The following FAM222A variants were observed in gnomAD, a reference collection of about 807,000 sequenced individuals.
FAM222A encodes the protein protein FAM222A.
FAM222A carries 7 observed loss-of-function variants against 25.8 expected under a neutral mutation model. The ratio of observed to expected loss-of-function variants is 0.27; its 90% CI spans 0.15 to 0.51. The LOEUF (loss-of-function observed/expected upper bound fraction) is 0.51, where lower values mean the gene tolerates loss of function less well. Among genes scored for constraint, FAM222A ranks in the 20% least tolerant of loss-of-function variants. The pLI is 0.97. For missense variants in FAM222A, 573 were observed against 640.5 expected (o/e 0.89, Z 1.14); for synonymous variants, 294 against 298.8 (o/e 0.98, Z 0.17).
chr12:109,731,541 G>A (rs989524502), intron 1 of FAM222A, among the ~76,000 whole-genome samples: 1 of 152,192 alleles, frequency 6.6e-6, no homozygotes, highest in African/African-American at 2.4e-5. Flanking sequence ...GCTGAGGCAT[G>A]GCACCCGGCA....
At position 109,768,973 on chromosome 12, in the gene FAM222A, G is replaced by A. The variant is rs61748987; in HGVS notation, c.1044G>A (p.Pro348=). Residue 348 remains proline (P), a synonymous_variant, in exon 3 of 3, where the codon CCG becomes CCA. Transcript: ENST00000538780. The part of the protein sequence containing the change: ...SFTVGQYFAA[P]WNSVLVTPTS... ...CCGTAGGCCAGTACTTTGCGGCCCC[G>A]TGGAACAGTGTGCTGGTGACACCCA... 2.5e-5 allele frequency: 39 copies of A among 1,570,878 alleles called. No individual in the cohort carries two copies. Among genetic ancestry groups the A allele is most frequent in the Middle Eastern group, 1.7e-4 (1 of 6,026 alleles).
chr12:109,723,342 C>G (rs1887783545), intron 1 of FAM222A, among the ~76,000 whole-genome samples: 1 of 152,186 alleles, frequency 6.6e-6, no homozygotes, highest in African/African-American at 2.4e-5. Context: ...GAGGAAGGAG[C>G]CAGTTTTGGC....
chr12:109,752,859 T>C (rs1888599863), intron 2 of FAM222A, among the ~76,000 whole-genome samples: 1 of 152,130 alleles, frequency 6.6e-6, no homozygotes, highest in Non-Finnish European at 1.5e-5. Flanking sequence ...TTCACTTCTC[T>C]GGGATCCAAG....
At chr12:109,728,868 G>A (rs1887888583) in intron 1 of FAM222A, among the ~76,000 whole-genome samples, 1 of 152,186 alleles carries the variant, frequency 6.6e-6, no homozygotes, top group South Asian at 2.1e-4. Context: ...CCACAGAGCA[G>A]GGAGCTCCCG....
intron 2 of FAM222A, among the ~76,000 whole-genome samples, chr12:109,762,602 C>G (rs1160593617): frequency 1.3e-5 from 2 of 152,176 alleles, no homozygotes; most frequent in Non-Finnish European, 2.9e-5. Context: ...TTACATTTAC[C>G]AAAACGGGAC....
intron 2 of FAM222A, among the ~76,000 whole-genome samples, chr12:109,752,071 T>C (rs893154535): frequency 3.3e-5 from 5 of 152,240 alleles, no homozygotes; most frequent in Admixed American, 3.3e-4. Context: ...GGCTGGACTG[T>C]CTCAAAGGGT....
chr12:109,753,898 G>A (rs952693651), intron 2 of FAM222A, among the ~76,000 whole-genome samples: 2 of 152,142 alleles, frequency 1.3e-5, no homozygotes, highest in African/African-American at 4.8e-5. Flanking sequence ...ATTCAGTTAC[G>A]TAGCTATTGC....
At chr12:109,730,811 G>A (rs1339853901) in intron 1 of FAM222A, among the ~76,000 whole-genome samples, 1 of 152,104 alleles carries the variant, frequency 6.6e-6, no homozygotes, top group African/African-American at 2.4e-5. Flanking sequence ...ATAAACTGCT[G>A]GAAGGAATTG....
chr12:109,766,073 G>A (rs1017292414), intron 2 of FAM222A, among the ~76,000 whole-genome samples: 1 of 152,198 alleles, frequency 6.6e-6, no homozygotes, highest in Non-Finnish European at 1.5e-5. Context: ...CACCTATCAT[G>A]TACCTCACCC....
intron 2 of FAM222A, among the ~76,000 whole-genome samples, chr12:109,765,193 C>T (rs199992030): frequency 6.6e-6 from 1 of 152,266 alleles, no homozygotes; most frequent in East Asian, 1.9e-4. Context: ...GCCTCTCCCC[C>T]TTTGGCCCTG....
chr12:109,737,022 A>T (rs1280709281), intron 1 of FAM222A, among the ~76,000 whole-genome samples: 1 of 152,162 alleles, frequency 6.6e-6, no homozygotes, highest in Non-Finnish European at 1.5e-5. Context: ...TAGAGGAAGG[A>T]TCAAGGAGAG....
chr12:109,757,752 G>A lies in FAM222A; in HGVS notation c.83-10260G>A, dbSNP rs1444350679. Among the ~76,000 whole-genome samples the A allele has an allele frequency of 2.8e-5, 4 of 145,326 alleles. No individual in the cohort carries two copies. The East Asian group carries it at 6.7e-4, about 24-fold the overall frequency. On this transcript the variant is annotated intron_variant, in intron 2 of 2. Transcript: ENST00000538780. ...AGACAATGATGGGAACAGGCAGGGA[G>A]CCAGGGGTGGGGAGGGGGCGGGACG...
intron 1 of FAM222A, among the ~76,000 whole-genome samples, chr12:109,740,515 G>A (rs927457877): frequency 6.6e-6 from 1 of 152,206 alleles, no homozygotes; most frequent in African/African-American, 2.4e-5. Flanking sequence ...ACTCTGAGAG[G>A]CTGGCCTCCT....
At chr12:109,718,706 C>T (rs1448023305) in intron 1 of FAM222A, among the ~76,000 whole-genome samples, 2 of 152,182 alleles carry the variant, frequency 1.3e-5, no homozygotes, top group African/African-American at 2.4e-5. Context: ...CCTCCGCGGG[C>T]GCCGCCCGCC....
intron 2 of FAM222A, among the ~76,000 whole-genome samples, chr12:109,747,881 G>A (rs1340191089): frequency 6.6e-6 from 1 of 152,092 alleles, no homozygotes; most frequent in Admixed American, 6.6e-5. Flanking sequence ...CCCCTATTTT[G>A]TTTTATACCT....
At chr12:109,743,978 T>G (rs1888316352) in intron 1 of FAM222A, 123 bp from the exon 2 acceptor site, 45 of 1,415,222 alleles carry the variant, frequency 3.2e-5, no homozygotes, top group Non-Finnish European at 4.1e-5. Context: ...ATAAGGGAAA[T>G]GGGTGTCTGC....
intron 1 of FAM222A, chr12:109,734,037 A>C (rs959618597): frequency 2.0e-5 from 3 of 152,292 alleles, no homozygotes; most frequent in African/African-American, 2.4e-5. Context: ...ACATAGCAAG[A>C]TCCCACATCT....
intron 2 of FAM222A, among the ~76,000 whole-genome samples, chr12:109,765,476 C>T (rs1433327043): frequency 6.6e-6 from 1 of 152,230 alleles, no homozygotes; most frequent in Non-Finnish European, 1.5e-5. Context: ...ATTTGCAGTT[C>T]CCACCCTGAC....
intron 1 of FAM222A, chr12:109,742,190 T>G (rs1490667007): frequency 6.6e-6 from 1 of 152,300 alleles, no homozygotes; most frequent in Middle Eastern, 3.2e-3. Context: ...GAACATGCCA[T>G]GCAGCAAACA....
Sources: allele counts gnomAD v4.1 joint callset (sites outside exome capture counted in the v4.1 genomes callset), GRCh38; gene constraint gnomAD v4.1.1; transcripts MANE v1.5; gene names NCBI Gene and HGNC (gene_info 2026-07-23, HGNC 2026-07-21).